The following CDH4 variants were observed in gnomAD, a reference collection of about 807,000 sequenced individuals.
The protein encoded by CDH4 is cadherin 4.
CDH4 carries 33 observed loss-of-function variants against 86.0 expected under a neutral mutation model. That is an observed-to-expected ratio of 0.38 (90% CI 0.29 to 0.51). The LOEUF (loss-of-function observed/expected upper bound fraction) is 0.51, where lower values mean the gene tolerates loss of function less well. Among genes scored for constraint, CDH4 ranks in the 20% least tolerant of loss-of-function variants. The pLI, the probability that CDH4 is intolerant of heterozygous loss-of-function variation, is 0.86. For missense variants in CDH4, 1,114 were observed against 1,307.4 expected (o/e 0.85, Z 2.28); for synonymous variants, 555 against 549.4 (o/e 1.01, Z -0.14).
chr20:61,751,594 A>T (rs530279623), intron 3 of CDH4, among the ~76,000 whole-genome samples: 1 of 152,344 alleles, frequency 6.6e-6, no homozygotes, highest in African/African-American at 2.4e-5. Context: ...AGTGCTGTAG[A>T]GCAGGTGCCA....
intron 2 of CDH4, among the ~76,000 whole-genome samples, chr20:61,405,870 C>T (rs6061777): frequency 0.042 from 6,451 of 152,112 alleles, 422 homozygotes; most frequent in African/African-American, 0.15. Flanking sequence ...TTAGTAGAGA[C>T]GGGGTTTCAC....
rs2087449858 is a variant in CDH4, at chr20:61,676,855, TG to T, written c.170-66705del. On this transcript the variant is annotated intron_variant, in intron 2 of 15. Transcript: ENST00000614565. This position sits in a 1 kb window ranked among gnomAD's most constrained non-coding sequence, Gnocchi z 4.5. ...AAGGGGAGGTCAGGGGAGGCCTGGC[TG>T]GGTGGCCTTTGCCAGGGGAGGCCTG... Among the ~76,000 whole-genome samples the T allele has an allele frequency of 1.3e-5, 2 of 152,120 alleles. No homozygotes were observed. The highest frequency in any genetic ancestry group is 4.2e-4 in the South Asian group (2 of 4,818).
Position 61,457,270 on chromosome 20 carries a change from C to T in CDH4, c.169+202333C>T, listed in dbSNP as rs546453799. Among the ~76,000 whole-genome samples the T allele has an allele frequency of 2.6e-5, 4 of 152,254 alleles. No individual in the cohort carries two copies. In the East Asian group the frequency reaches 5.8e-4, roughly 22 times the overall value. ...AACATCCCCAGTCACTTTCTCTGCCCACCTCTACTGTCTCTGTCACTCTCT... is the reference window on the plus strand; with the variant it reads ...AACATCCCCAGTCACTTTCTCTGCCTACCTCTACTGTCTCTGTCACTCTCT... On this transcript the variant is annotated intron_variant, in intron 2 of 15. Transcript: ENST00000614565.
At chr20:61,737,441 G>A (rs1212931577) in intron 2 of CDH4, among the ~76,000 whole-genome samples, 2 of 152,098 alleles carry the variant, frequency 1.3e-5, no homozygotes, top group African/African-American at 4.8e-5. Context: ...CAAACACCCT[G>A]CACGGCTCCC....
At position 61,934,368 on chromosome 20, in the gene CDH4, C is replaced by A. The variant is rs927607465; in HGVS notation, c.2544+148C>A. ...GACCCGGGTTCCAGGCCCTGCTCTG[C>A]CCCTCCAGCGGGGTGGCCTGGGCAA... On this transcript the variant is annotated intron_variant, in intron 15 of 15. Coordinates refer to ENST00000614565, the MANE Select transcript of CDH4 (RefSeq NM_001794.5). 4.6e-5 allele frequency: 38 copies of A among 820,550 alleles called. No individual in the cohort carries two copies. The African/African-American group carries it at 5.9e-4, about 13-fold the overall frequency. The allele number at this position is 820,550 out of a possible 1,614,324, so 50.8% of individuals were successfully genotyped here. A position where few individuals can be genotyped will look rare whatever the true frequency, so the allele number is the denominator to read the frequency against.
chr20:61,898,387 C>T (rs955317505), intron 8 of CDH4, among the ~76,000 whole-genome samples: 2 of 152,232 alleles, frequency 1.3e-5, no homozygotes, highest in East Asian at 1.9e-4. Flanking sequence ...TGGGGACCCT[C>T]GGCCCTCAGC....
rs34176488 is a variant in CDH4 at position 61,300,347 on chromosome 20, G to A, written c.169+45410G>A. Among the ~76,000 whole-genome samples, 294 of 152,290 alleles carry A rather than the reference G, an allele frequency of 1.9e-3. 2 individuals are homozygous for A. Among genetic ancestry groups the A allele is most frequent in the Admixed American group, 3.6e-3 (55 of 15,308 alleles). The stretch of plus-strand genomic sequence containing the variant: ...CATGTTCTGGGAGAGGGAACAGTGC[G>A]TGTGGAGGCTCCGAGCCCTCAGCTG... On this transcript the variant is annotated intron_variant, in intron 2 of 15. Transcript: ENST00000614565.
At chr20:61,326,196 C>G (rs1217477832) in intron 2 of CDH4, among the ~76,000 whole-genome samples, 1 of 152,208 alleles carries the variant, frequency 6.6e-6, no homozygotes, top group Non-Finnish European at 1.5e-5. Context: ...CGTTTGCATA[C>G]TTCTCCACCG....
chr20:61,409,572 CTG>C (rs1195741608), intron 2 of CDH4, among the ~76,000 whole-genome samples: 1 of 152,242 alleles, frequency 6.6e-6, no homozygotes, highest in Non-Finnish European at 1.5e-5. Context: ...AGGTATCGCA[CTG>C]TGTGCATTTC....
chr20:61,436,797 G>A (rs6121878), intron 2 of CDH4, among the ~76,000 whole-genome samples: 7,983 of 152,108 alleles, frequency 0.052, 278 homozygotes, highest in African/African-American at 0.092. Flanking sequence ...TCTTTCTGGC[G>A]ACCAGCCTCC....
intron 9 of CDH4, among the ~76,000 whole-genome samples, chr20:61,919,627 T>C (rs1207072924): frequency 6.6e-6 from 1 of 152,258 alleles, no homozygotes; most frequent in Non-Finnish European, 1.5e-5. Flanking sequence ...AGCAGATAAG[T>C]TCCTCTCTAA....
chr20:61,616,966 C>T (rs778980319), intron 2 of CDH4, among the ~76,000 whole-genome samples: 12 of 152,026 alleles, frequency 7.9e-5, no homozygotes, highest in Non-Finnish European at 1.5e-4. Flanking sequence ...GGGTGCTGTG[C>T]GAAGGTGTCT....
At chr20:61,253,559 TG>T (rs1205781902) in intron 1 of CDH4, among the ~76,000 whole-genome samples, 1 of 150,860 alleles carries the variant, frequency 6.6e-6, no homozygotes, top group South Asian at 2.1e-4. Flanking sequence ...CGCGGGGCGC[TG>T]GGGGACGCGC....
At chr20:61,565,222 A>AGTGGTCCTCTTGGTGATGGGGTGAT (rs2086268550) in intron 2 of CDH4, among the ~76,000 whole-genome samples, 13 of 10,702 alleles carry the variant, frequency 1.2e-3, no homozygotes, top group Non-Finnish European at 1.7e-3. Context: ...TCTCGGTGGT[A>AGTGGTCCTCTTGGTGATGGGGTGAT]GGTGGTGGTG....
intron 5 of CDH4, among the ~76,000 whole-genome samples, chr20:61,849,855 C>T (rs1241456366): frequency 3.9e-5 from 6 of 152,214 alleles, no homozygotes; most frequent in South Asian, 2.1e-4. Flanking sequence ...AGGTCAAAAA[C>T]GTAGCCCAGT....
intron 2 of CDH4, among the ~76,000 whole-genome samples, chr20:61,513,186 CTCCTGCAGGAGGTCTCAGGGTCTGGCCCT>C (rs2085793000): frequency 6.6e-6 from 1 of 152,134 alleles, no homozygotes; most frequent in African/African-American, 2.4e-5. Flanking sequence ...GAGCCCTGTC[CTCCTGCAGGAGGTCTCAGGGTCTGGCCCT>C]TCCTGCCCCA....
At chr20:61,932,121 A>G (rs1167989365) in intron 13 of CDH4, among the ~76,000 whole-genome samples, 2 of 152,014 alleles carry the variant, frequency 1.3e-5, no homozygotes, top group African/African-American at 4.8e-5. Context: ...CTACCAAGAC[A>G]CTGTGTGCCT....
At position 61,510,186 on chromosome 20, in the gene CDH4, G is replaced by A. The variant is rs1466983779; in HGVS notation, c.170-233377G>A. Among the ~76,000 whole-genome samples the A allele has an allele frequency of 6.6e-6, 1 of 152,170 alleles. No individual in the cohort carries two copies. The highest frequency in any genetic ancestry group is 1.5e-5 in the Non-Finnish European group (1 of 68,032). ...CTTCAACCCGGAAATTTAGTGATTT[G>A]CAATATGCCAGCATCTATGCGCTCA... On this transcript the variant is annotated intron_variant, in intron 2 of 15. Transcript: ENST00000614565. This position sits in a 1 kb window ranked among gnomAD's most constrained non-coding sequence, Gnocchi z 4.2.
In CDH4 at chr20:61,934,214, C is replaced by T. The variant is rs1180549616; in HGVS notation, c.2538C>T (p.Ile846=). The change falls in exon 15 of 16, where the codon ATC becomes ATT. Residue 846 remains isoleucine, a synonymous_variant. Coordinates refer to ENST00000614565, the MANE Select transcript of CDH4 (RefSeq NM_001794.5). ...ACCCAGGCGACATCGGTGACTTCAT[C>T]AATGAGGTGTGTGCCTCTCGGCAGT... ...VPHPGDIGDF[I]NEGLRAADND... is the part of the protein sequence containing the mutation. 1 of 1,559,634 alleles carries T rather than the reference C, an allele frequency of 6.4e-7. No homozygotes were observed.
Sources: gnomAD v4.1 joint callset for allele counts (sites outside exome capture counted in the v4.1 genomes callset) on GRCh38, gnomAD v4.1.1 for gene constraint, Gnocchi (gnomAD v3.1) non-coding constraint, MANE v1.5 for transcripts, NCBI Gene and HGNC (gene_info 2026-07-23, HGNC 2026-07-21) for gene names.